Variants in CIAO2A observed in about 807,000 individuals in gnomAD.
The protein encoded by CIAO2A is cytosolic iron-sulfur assembly component 2A, also known as MIP18 family protein FAM96A.
Under a neutral mutation model 22.4 loss-of-function variants are expected in CIAO2A, and 17 were observed. That is an observed-to-expected ratio of 0.76 (90% confidence interval 0.52 to 1.14). The LOEUF is 1.14. CIAO2A is among the 50% of genes most tolerant of loss of function. The pLI, the probability that CIAO2A is intolerant of heterozygous loss-of-function variation, is 0.00. For missense variants in CIAO2A, 192 were observed against 191.4 expected, an observed-to-expected ratio of 1.00 and a Z score of -0.02; for synonymous variants, 74 against 72.3, an observed-to-expected ratio of 1.02 and a Z score of -0.12.
At chr15:64,082,324 G>A (rs1256672998) in intron 2 of CIAO2A, among the ~76,000 whole-genome samples, 14 of 152,134 alleles carry the variant, frequency 9.2e-5, no homozygotes, top group Admixed American at 5.2e-4. Flanking sequence ...TACCTCCTGG[G>A]TTCAAGAGAT....
rs1322213362 is a variant in CIAO2A at position 64,073,005 on chromosome 15, CTT to C, written c.407_408del (p.Lys136ArgfsTer22). The C allele has an allele frequency of 3.1e-6, 5 of 1,613,502 alleles. No homozygotes were observed. Among genetic ancestry groups the C allele is most frequent in the Non-Finnish European group, 4.2e-6 (5 of 1,179,666 alleles). On this transcript the variant is annotated frameshift_variant, in exon 5 of 5. Coordinates refer to ENST00000300030, the MANE Select transcript of CIAO2A (RefSeq NM_032231.7). LOFTEE classifies it high-confidence loss of function. ...EEDINKQIND[K>X]ERVAAAMENP... ...TTTTCCATTGCAGCTGCCACTCGCT[CTT>C]TGTCATTTATCTGCTTATTGACTGA...
chr15:64,081,748 A>T (rs181771682), intron 2 of CIAO2A, among the ~76,000 whole-genome samples: 17 of 152,180 alleles, frequency 1.1e-4, no homozygotes, highest in Middle Eastern at 3.4e-3. Context: ...CATGTTGGCC[A>T]GGCTGGTCTC....
chr15:64,076,793 T>C (rs746105803), intron 3 of CIAO2A, among the ~76,000 whole-genome samples: 4 of 150,448 alleles, frequency 2.7e-5, no homozygotes, highest in Non-Finnish European at 4.4e-5. Flanking sequence ...GGCGCGATCA[T>C]GTCTCACTAC....
chr15:64,073,104 G>T, intron 4 of CIAO2A, 76 bp from the exon 5 acceptor site: 1 of 949,960 alleles, frequency 1.1e-6, no homozygotes. Flanking sequence ...TTATTAGCCT[G>T]CTGAAACAAA....
At chr15:64,088,375 A>G (rs1372428083) in intron 2 of CIAO2A, among the ~76,000 whole-genome samples, 4 of 152,162 alleles carry the variant, frequency 2.6e-5, no homozygotes. Flanking sequence ...ACTAAAGGAG[A>G]AGTGGAGTCA....
At chr15:64,075,292 C>T in intron 4 of CIAO2A, 200 bp downstream of exon 4, 1 of 484,808 alleles carries the variant, frequency 2.1e-6, no homozygotes, top group East Asian at 3.8e-5. Flanking sequence ...CATCCGTGGG[C>T]TCTAGTGCAC....
chr15:64,081,611 C>G (rs1400032768), intron 2 of CIAO2A, among the ~76,000 whole-genome samples: 5 of 147,026 alleles, frequency 3.4e-5, no homozygotes, highest in Admixed American at 6.9e-5. Flanking sequence ...GATCTCGGCT[C>G]ACTGCAACCT....
intron 1 of CIAO2A, 36 bp downstream of exon 1, chr15:64,093,609 A>G (rs751899662): frequency 1.9e-6 from 3 of 1,594,898 alleles, no homozygotes; most frequent in Non-Finnish European, 2.6e-6. Flanking sequence ...GCCTGCACCT[A>G]TAACGCCAAA....
intron 1 of CIAO2A, among the ~76,000 whole-genome samples, chr15:64,089,475 G>A (rs959351516): frequency 1.5e-4 from 22 of 148,742 alleles, no homozygotes; most frequent in East Asian, 7.9e-4. Context: ...TCGTGTCACC[G>A]CACTCTAGGC....
rs57243810 is a variant in CIAO2A, at chr15:64,085,081, AAAAAT to A, written c.289+3601_289+3605del. 3.3e-3 allele frequency among the ~76,000 whole-genome samples: 498 copies of A among 149,036 alleles called. 3 individuals carry two copies. Among genetic ancestry groups the A allele is most frequent in the African/African-American group, 9.4e-3 (381 of 40,486 alleles). ...GCCAATAAAGTGAGACTCTGTCTCA[AAAAAT>A]AAAATAAAATAAAATAAAATAAAAT... On this transcript the variant is annotated intron_variant, in intron 2 of 4. Transcript: ENST00000300030.
chr15:64,077,015 T>C (rs1057421474), intron 3 of CIAO2A, among the ~76,000 whole-genome samples: 34 of 152,172 alleles, frequency 2.2e-4, no homozygotes, highest in Admixed American at 2.0e-4. Flanking sequence ...CCCAATTTTT[T>C]TTAAAAAACA....
intron 4 of CIAO2A, chr15:64,073,714 A>G (rs1595950106): frequency 6.6e-6 from 1 of 152,120 alleles, no homozygotes; most frequent in Admixed American, 6.6e-5. Flanking sequence ...AGATCCTCCT[A>G]CCTCAGCCTC....
chr15:64,091,825 GA>G (rs2080841549), intron 1 of CIAO2A, among the ~76,000 whole-genome samples: 1 of 151,994 alleles, frequency 6.6e-6, no homozygotes, highest in East Asian at 1.9e-4. Context: ...TTGGGAGGCC[GA>G]GACAGGCAAA....
Position 64,072,937 on chromosome 15 carries a change from A to G in CIAO2A, c.477T>C (p.Pro159=). 1.2e-6 allele frequency: 2 copies of G among 1,608,478 alleles called. No homozygotes were observed. The highest frequency in any genetic ancestry group is 1.7e-6 in the Non-Finnish European group (2 of 1,175,300). ...GTGGCTCTTAAAACAGCTATCAGTC[A>G]GGTTCAAGGACACACTGTTCCACAA... is the stretch of plus-strand genomic sequence containing the variant. ...REIVEQCVLE[P]D is the part of the protein sequence containing the mutation. The change falls in exon 5 of 5, where the codon CCT becomes CCC. Residue 159 remains proline, a synonymous_variant. Transcript: ENST00000300030.
chr15:64,075,252 G>T, intron 4 of CIAO2A: 1 of 365,364 alleles, frequency 2.7e-6, no homozygotes. Flanking sequence ...ATTCTTTACA[G>T]ATGTGTAGCC....
intron 3 of CIAO2A, among the ~76,000 whole-genome samples, chr15:64,079,301 G>C (rs563863719): frequency 6.6e-6 from 1 of 152,256 alleles, no homozygotes; most frequent in East Asian, 1.9e-4. Context: ...AACACTTTGA[G>C]AGGCCAAGGC....
intron 2 of CIAO2A, among the ~76,000 whole-genome samples, chr15:64,083,857 C>T (rs1168763554): frequency 6.6e-6 from 1 of 151,902 alleles, no homozygotes; most frequent in Non-Finnish European, 1.5e-5. Context: ...GCACGAGAAT[C>T]GCTTGAACCC....
intron 2 of CIAO2A, among the ~76,000 whole-genome samples, chr15:64,086,365 T>A (rs546647606): frequency 7.1e-4 from 108 of 151,884 alleles, no homozygotes; most frequent in African/African-American, 2.4e-3. Flanking sequence ...TAAGCCAAGA[T>A]TGCACCATTG....
At chr15:64,087,367 A>G (rs1156350090) in intron 2 of CIAO2A, among the ~76,000 whole-genome samples, 2 of 152,130 alleles carry the variant, frequency 1.3e-5, no homozygotes, top group Non-Finnish European at 2.9e-5. Flanking sequence ...CTGGGATTAC[A>G]GGCGTAAGCC....
Sources: gnomAD v4.1 joint callset for allele counts (sites outside exome capture counted in the v4.1 genomes callset) on GRCh38, gnomAD v4.1.1 for gene constraint, MANE v1.5 for transcripts, NCBI Gene and HGNC (gene_info 2026-07-23, HGNC 2026-07-21) for gene names.